The following CXADR variants were observed in gnomAD, a reference collection of about 807,000 sequenced individuals.
The protein encoded by CXADR is coxsackievirus and adenovirus receptor.
In CXADR, 20 loss-of-function variants were observed where a neutral mutation model predicts 40.3. The ratio of observed to expected loss-of-function variants is 0.50; its 90% CI spans 0.35 to 0.72. The LOEUF (loss-of-function observed/expected upper bound fraction) is 0.72, where lower values mean the gene tolerates loss of function less well. Among genes scored for constraint, CXADR ranks in the 30% least tolerant of loss-of-function variants. The pLI is 0.01. For synonymous variants in CXADR, 150 were observed against 161.3 expected (o/e 0.93, Z 0.53); for missense variants, 332 against 449.1 (o/e 0.74, Z 2.36).
intron 1 of CXADR, among the ~76,000 whole-genome samples, chr21:17,521,346 G>A (rs560732497): frequency 2.4e-4 from 37 of 152,086 alleles, no homozygotes; most frequent in Non-Finnish European, 4.1e-4. Context: ...ATTTTGAGAC[G>A]GAGTCTTGTT....
At position 17,567,276 on chromosome 21, in the gene CXADR, C is replaced by A; in HGVS notation, c.*1584C>A. Reference sequence around the variant, plus strand: ...ATTTACAGTTAGAGTATTGTGTGTACACTTTTTAATGGTAAACTTAAGCTG... The same window carrying A: ...ATTTACAGTTAGAGTATTGTGTGTAAACTTTTTAATGGTAAACTTAAGCTG... On this transcript the variant is annotated 3_prime_UTR_variant, in exon 7 of 7. Coordinates refer to ENST00000284878, the MANE Select transcript of CXADR (RefSeq NM_001338.5). 2.0e-6 allele frequency: 2 copies of A among 985,370 alleles called. No individual in the cohort carries two copies. The highest frequency in any genetic ancestry group is 4.7e-5 in the South Asian group (1 of 21,286). The allele number at this position is 985,370 out of a possible 1,614,324, so 61.0% of individuals were successfully genotyped here. A position where few individuals can be genotyped will look rare whatever the true frequency, so the allele number is the denominator to read the frequency against.
At chr21:17,617,981 A>G in the CXADR span, among the ~76,000 whole-genome samples, 2 of 152,214 alleles carry the variant, frequency 1.3e-5, no homozygotes, top group Admixed American at 6.5e-5. Flanking sequence ...CACTAAGTTT[A>G]TGTAATATTC....
chr21:17,562,541 C>G (rs966507337), intron 6 of CXADR, among the ~76,000 whole-genome samples: 1 of 152,206 alleles, frequency 6.6e-6, no homozygotes, highest in Non-Finnish European at 1.5e-5. Context: ...AGGGTGGTCT[C>G]GAACTCCTGG....
chr21:17,550,505 A>G lies in CXADR; in HGVS notation c.211-1244A>G, dbSNP rs553686220. Among the ~76,000 whole-genome samples, 3 of 152,288 alleles carry G rather than the reference A, an allele frequency of 2.0e-5. No homozygotes were observed. In the South Asian group the frequency reaches 6.2e-4, roughly 32 times the overall value. ...TTCTTAGATGACATTTATTCTGATT[A>G]TACTGCCCATAATTAGCACTCAGGT... is the stretch of plus-strand genomic sequence containing the variant. On this transcript the variant is annotated intron_variant, in intron 2 of 6. Transcript: ENST00000284878.
intron 1 of CXADR, among the ~76,000 whole-genome samples, chr21:17,530,786 C>T (rs1290415477): frequency 6.6e-6 from 1 of 152,066 alleles, no homozygotes; most frequent in Admixed American, 6.5e-5. Context: ...TGCACCGCAG[C>T]CTAGGCGACA....
At chr21:17,629,159 C>G in the CXADR span, among the ~76,000 whole-genome samples, 1 of 152,056 alleles carries the variant, frequency 6.6e-6, no homozygotes, top group South Asian at 2.1e-4. Context: ...GTGGGCCGAT[C>G]ACTTGAAGCC....
chr21:17,601,379 C>G, the CXADR span, among the ~76,000 whole-genome samples: 6 of 152,064 alleles, frequency 3.9e-5, no homozygotes, highest in Non-Finnish European at 7.4e-5. Context: ...TAAACAGAAG[C>G]TGGACATGGT....
chr21:17,565,182 A>G (rs1253106295), intron 6 of CXADR, among the ~76,000 whole-genome samples: 1 of 152,202 alleles, frequency 6.6e-6, no homozygotes, highest in African/African-American at 2.4e-5. Flanking sequence ...TGTAAATACC[A>G]TATTTCATTA....
intron 1 of CXADR, among the ~76,000 whole-genome samples, chr21:17,534,026 ATAG>A (rs1187428824): frequency 8.6e-6 from 1 of 115,778 alleles, no homozygotes; most frequent in African/African-American, 4.0e-5. Context: ...ATATATATAT[ATAG>A]CTATATATAT....
intron 3 of CXADR, among the ~76,000 whole-genome samples, chr21:17,556,759 A>G (rs1310218152): frequency 6.6e-6 from 1 of 152,224 alleles, no homozygotes; most frequent in Non-Finnish European, 1.5e-5. Context: ...GCAGTTAAAT[A>G]TGTGTTGACC....
intron 1 of CXADR, chr21:17,543,013 A>G (rs745574581): frequency 2.8e-6 from 1 of 360,232 alleles, no homozygotes; most frequent in Non-Finnish European, 5.6e-6. Context: ...TCAAGATTTT[A>G]ATTCATTTCT....
Position 17,580,646 on chromosome 21 carries a change from A to G in CXADR, c.1018-12506A>G, listed in dbSNP as rs191318539. On this transcript the variant is annotated intron_variant, in intron 7 of 7. Coordinates refer to the CXADR transcript ENST00000400169. ...TACATAAATAAAGATTAAAGTCTAAACCATAGGTTTAGTGGCTTCAGACTT... is the reference window on the plus strand; with the variant it reads ...TACATAAATAAAGATTAAAGTCTAAGCCATAGGTTTAGTGGCTTCAGACTT... Among the ~76,000 whole-genome samples, 3 of 152,238 alleles carry G rather than the reference A, an allele frequency of 2.0e-5. 1 individual carries two copies. Among genetic ancestry groups the G allele is most frequent in the Admixed American group, 1.3e-4 (2 of 15,302 alleles).
At chr21:17,624,235 A>G in the CXADR span, among the ~76,000 whole-genome samples, 1 of 152,108 alleles carries the variant, frequency 6.6e-6, no homozygotes, top group Non-Finnish European at 1.5e-5. Context: ...CAAGTCTCAC[A>G]GTATTAGTTT....
chr21:17,534,100 A>ATATATT (rs1179683085), intron 1 of CXADR, among the ~76,000 whole-genome samples: 63 of 60,076 alleles, frequency 1.0e-3, no homozygotes, highest in African/African-American at 5.3e-3. Flanking sequence ...ATATATATAT[A>ATATATT]TTTTTTTTTT....
chr21:17,572,505 G>A (rs548140456), downstream of CXADR, among the ~76,000 whole-genome samples: 1 of 152,290 alleles, frequency 6.6e-6, no homozygotes, highest in Non-Finnish European at 1.5e-5. Context: ...AGCGAACACG[G>A]AAAACAGAAC....
At position 17,567,898 on chromosome 21, in the gene CXADR, C is replaced by G. The variant is rs2061232395; in HGVS notation, c.*2206C>G. 1 of 974,648 alleles carries G rather than the reference C, an allele frequency of 1.0e-6. No individual in the cohort carries two copies. Among genetic ancestry groups the G allele is most frequent in the Non-Finnish European group, 1.2e-6 (1 of 821,198 alleles). The allele number at this position is 974,648 out of a possible 1,614,324, so 60.4% of individuals were successfully genotyped here. On this transcript the variant is annotated 3_prime_UTR_variant, in exon 7 of 7. Transcript: ENST00000284878. ...TAATAACATATGAGGAACAAGACTT[C>G]TCTTCCCATATACTTCATATTTTAG...
intron 2 of CXADR, among the ~76,000 whole-genome samples, chr21:17,549,302 C>T (rs960288459): frequency 6.6e-6 from 1 of 152,198 alleles, no homozygotes; most frequent in African/African-American, 2.4e-5. Flanking sequence ...TTATCATTTG[C>T]ACTGTCCTCT....
rs540849106 is a variant in CXADR at position 17,514,912 on chromosome 21, C to T, written c.43+1740C>T. On this transcript the variant is annotated intron_variant, in intron 1 of 6. Transcript: ENST00000284878. ...GTCCTGGGATTACAAGCGTGAGCCA[C>T]CATGCCTGGCAGGAACTAGTTGTTG... 4.6e-5 allele frequency among the ~76,000 whole-genome samples: 7 copies of T among 152,206 alleles called. No homozygotes were observed. In the South Asian group the frequency reaches 1.5e-3, roughly 32 times the overall value.
intron 1 of CXADR, chr21:17,518,808 A>G (rs1049103530): frequency 5.5e-5 from 86 of 1,566,058 alleles, no homozygotes; most frequent in Non-Finnish European, 7.0e-5. Context: ...TAACTGTCCC[A>G]TCATCTTTAA....
Sources: allele counts gnomAD v4.1 joint callset (sites outside exome capture counted in the v4.1 genomes callset), GRCh38; gene constraint gnomAD v4.1.1; transcripts MANE v1.5; gene names NCBI Gene and HGNC (gene_info 2026-07-23, HGNC 2026-07-21).